CDH23: variants seen among roughly 807,000 people sequenced by gnomAD.
The protein encoded by CDH23 is cadherin related 23.
Under a neutral mutation model 317.1 loss-of-function variants are expected in CDH23, and 189 were observed. The ratio of observed to expected loss-of-function variants is 0.60; its 90% confidence interval spans 0.53 to 0.67. CDH23 has a LOEUF of 0.67. CDH23 is among the 30% of genes least tolerant of loss of function. The probability of loss-of-function intolerance (pLI) is 0.00; values close to 1 mark genes in which losing one functional copy is unlikely to be tolerated. For synonymous variants in CDH23, 1,839 were observed against 1,876.8 expected, an observed-to-expected ratio of 0.98 and a Z score of 0.52; for missense variants, 4,401 against 4,592.4, an observed-to-expected ratio of 0.96 and a Z score of 1.20.
chr10:71,752,228 C>T (rs556712838), intron 38 of CDH23, among the ~76,000 whole-genome samples: 1 of 152,168 alleles, frequency 6.6e-6, no homozygotes, highest in Non-Finnish European at 1.5e-5. Flanking sequence ...GCATTAGGAT[C>T]GAACATCCCC....
intron 9 of CDH23, among the ~76,000 whole-genome samples, chr10:71,604,333 C>T (rs997403009): frequency 3.3e-5 from 5 of 152,166 alleles, no homozygotes; most frequent in East Asian, 1.9e-4. Flanking sequence ...GGAATAATGA[C>T]GATGCCCTCA....
At chr10:71,802,430 G>T (rs907240950) in intron 53 of CDH23, among the ~76,000 whole-genome samples, 1 of 152,202 alleles carries the variant, frequency 6.6e-6, no homozygotes, top group Non-Finnish European at 1.5e-5. Context: ...GCCCTGGGCT[G>T]GGGGGTCAGC....
chr10:71,716,376 G>T, intron 28 of CDH23: 1 of 1,450,322 alleles, frequency 6.9e-7, no homozygotes. Context: ...CTCAAAGGCA[G>T]ATCAGCTGGA....
intron 38 of CDH23, among the ~76,000 whole-genome samples, chr10:71,758,957 C>T (rs189115439): frequency 6.3e-4 from 96 of 151,378 alleles, no homozygotes; most frequent in African/African-American, 2.3e-3. Context: ...GCAACTTCTG[C>T]CTCCCAGGTT....
At chr10:71,469,588 T>C (rs915056073) in intron 3 of CDH23, among the ~76,000 whole-genome samples, 1 of 150,382 alleles carries the variant, frequency 6.6e-6, no homozygotes, top group East Asian at 2.0e-4. Flanking sequence ...CAAATAAAGC[T>C]TTCGTGAACA....
intron 6 of CDH23, among the ~76,000 whole-genome samples, chr10:71,525,878 A>G (rs1855012387): frequency 6.6e-6 from 1 of 152,068 alleles, no homozygotes; most frequent in Non-Finnish European, 1.5e-5. Flanking sequence ...CCATGTGCCA[A>G]CCCCACCCTC....
At chr10:71,684,111 A>AAC (rs1399873956) in intron 18 of CDH23, among the ~76,000 whole-genome samples, 4 of 5,026 alleles carry the variant, frequency 8.0e-4, no homozygotes, top group Non-Finnish European at 1.9e-3. Flanking sequence ...AAACAACAAC[A>AAC]AAAAAAAACG....
chr10:71,509,134 G>T (rs1164626237), intron 3 of CDH23, among the ~76,000 whole-genome samples: 1 of 152,198 alleles, frequency 6.6e-6, no homozygotes, highest in East Asian at 1.9e-4. Flanking sequence ...CTTGAGGATG[G>T]GAACTAGACC....
rs374549358 is a variant in CDH23, at chr10:71,675,108, G to A, written c.1450-4G>A. 27 of 1,613,616 alleles carry A rather than the reference G, an allele frequency of 1.7e-5. No individual in the cohort carries two copies. In the African/African-American group the frequency reaches 3.5e-4, roughly 21 times the overall value. On this transcript the variant is annotated splice_region_variant and splice_polypyrimidine_tract_variant and intron_variant, in intron 14 of 69. Transcript: ENST00000224721. Reference sequence around the variant, plus strand: ...GTAATGACTTCTTGTTCTCGCTGTTGCAGGCAACTGACAATGATGCAGGCA... The same window carrying A: ...GTAATGACTTCTTGTTCTCGCTGTTACAGGCAACTGACAATGATGCAGGCA...
At chr10:71,774,047 GCGCGCACA>G (rs1396092047) in intron 38 of CDH23, among the ~76,000 whole-genome samples, 4 of 116,780 alleles carry the variant, frequency 3.4e-5, no homozygotes, top group African/African-American at 1.3e-4. Flanking sequence ...GTGCATGCGC[GCGCGCACA>G]CACACACACA....
In CDH23 at chr10:71,751,090, G is replaced by A. The variant is rs1447469725; in HGVS notation, c.4845+9169G>A. On this transcript the variant is annotated intron_variant, in intron 38 of 69. Transcript: ENST00000224721. The surrounding 1 kb of genome is among the most constrained non-coding windows in gnomAD (Gnocchi z 4.9). The stretch of plus-strand genomic sequence containing the variant: ...GTCCAGCATCCCCATGTAGCATCCA[G>A]AGGGGTTGAGGGGCTGGGCTTCTGG... 8.6e-6 allele frequency: 7 copies of A among 815,094 alleles called. No individual in the cohort carries two copies. The highest frequency in any genetic ancestry group is 1.3e-5 in the Non-Finnish European group (7 of 522,814). The allele number at this position is 815,094 out of a possible 1,614,324, so 50.5% of individuals were successfully genotyped here.
chr10:71,444,212 A>T (rs1850046376), intron 2 of CDH23, among the ~76,000 whole-genome samples: 1 of 152,268 alleles, frequency 6.6e-6, no homozygotes, highest in East Asian at 1.9e-4. Context: ...CCATTTATGG[A>T]GTGCTTGCTG....
chr10:71,720,822 G>A (rs930708905), intron 28 of CDH23, among the ~76,000 whole-genome samples: 4 of 152,208 alleles, frequency 2.6e-5, no homozygotes, highest in African/African-American at 9.7e-5. Flanking sequence ...CCAAACTGAG[G>A]CCCAGAGAGG....
In CDH23 at chr10:71,803,322, T is replaced by G; in HGVS notation, c.7774T>G (p.Trp2592Gly). The G allele has an allele frequency of 1.3e-6, 2 of 1,594,172 alleles. No homozygotes were observed. Among genetic ancestry groups the G allele is most frequent in the Non-Finnish European group, 1.7e-6 (2 of 1,170,408 alleles). ...CACAGATGGTGGAGAGCCCCCACTC[T>G]GGGGCACCACCATGCTCCTGGTGGA... is the stretch of plus-strand genomic sequence containing the variant. ...VATDGGEPPL[W>G]GTTMLLVEVI... The change falls in exon 55 of 70, where the codon TGG becomes GGG. Residue 2592 changes from tryptophan to glycine, a missense_variant. Coordinates refer to ENST00000224721, the MANE Select transcript of CDH23 (RefSeq NM_022124.6).
At chr10:71,675,197 C>T (rs757152201) in intron 15 of CDH23, 21 bp downstream of exon 15, 9 of 1,606,710 alleles carry the variant, frequency 5.6e-6, no homozygotes, top group Admixed American at 1.7e-5. Context: ...GCCCACAGCC[C>T]CTCAGGCCCC....
intron 28 of CDH23, among the ~76,000 whole-genome samples, chr10:71,721,160 G>A (rs896613506): frequency 3.9e-5 from 6 of 152,192 alleles, no homozygotes; most frequent in African/African-American, 1.4e-4. Flanking sequence ...CCATGGATAG[G>A]CATGCAAGGG....
At chr10:71,690,443 T>A (rs767586651) in intron 19 of CDH23, 25 bp from the exon 20 acceptor site, 1 of 1,540,984 alleles carries the variant, frequency 6.5e-7, no homozygotes, top group Admixed American at 1.9e-5. Context: ...CAGCACCCCC[T>A]GCCCCCACCT....
intron 22 of CDH23, among the ~76,000 whole-genome samples, chr10:71,698,091 G>A (rs1865459753): frequency 6.6e-6 from 1 of 152,144 alleles, no homozygotes; most frequent in Non-Finnish European, 1.5e-5. Context: ...TACATTCGAG[G>A]ACAAATTGGA....
At chr10:71,616,588 C>T (rs1427212656) in intron 10 of CDH23, among the ~76,000 whole-genome samples, 2 of 152,218 alleles carry the variant, frequency 1.3e-5, no homozygotes, top group African/African-American at 4.8e-5. Context: ...GCTGTGAACC[C>T]GAATCCCCTG....
Sources: gnomAD v4.1 joint callset for allele counts (sites outside exome capture counted in the v4.1 genomes callset) on GRCh38, gnomAD v4.1.1 for gene constraint, Gnocchi (gnomAD v3.1) non-coding constraint, MANE v1.5 for transcripts, NCBI Gene and HGNC (gene_info 2026-07-23, HGNC 2026-07-21) for gene names.